Variants in CTNNA3 observed in about 807,000 individuals in gnomAD.
CTNNA3 encodes catenin alpha-3.
Under a neutral mutation model 95.7 loss-of-function variants are expected in CTNNA3, and 76 were observed. The observed-to-expected ratio is 0.79, with a 90% CI of 0.66 to 0.96. The LOEUF is 0.96. Among genes scored for constraint, CTNNA3 ranks in the 40% least tolerant of loss-of-function variants. The pLI is 0.00. For missense variants in CTNNA3, 1,191 were observed against 1,089.8 expected (o/e 1.09, Z -1.31); for synonymous variants, 431 against 374.4 (o/e 1.15, Z -1.74).
At chr10:66,877,574 A>G (rs1430119065) in intron 7 of CTNNA3, among the ~76,000 whole-genome samples, 1 of 152,074 alleles carries the variant, frequency 6.6e-6, no homozygotes, top group Non-Finnish European at 1.5e-5. Flanking sequence ...TTCTCTCACC[A>G]TTTATCTGTG....
intron 7 of CTNNA3, among the ~76,000 whole-genome samples, chr10:67,119,726 T>C (rs1859364875): frequency 6.6e-6 from 1 of 151,892 alleles, no homozygotes. Flanking sequence ...GGTGGTCAAA[T>C]GCAAAGAGTC....
At chr10:67,705,103 G>C (rs1031698881) in intron 1 of CTNNA3, among the ~76,000 whole-genome samples, 9 of 152,138 alleles carry the variant, frequency 5.9e-5, no homozygotes, top group Admixed American at 5.9e-4. Context: ...AGTTAGAATG[G>C]TGATCATTAA....
rs148316931 is a variant in CTNNA3, at chr10:67,365,228, G to C, written c.580-145358C>G. On this transcript the variant is annotated intron_variant, in intron 5 of 17. Transcript: ENST00000433211. ...ATATCTTATACAAAAAATAACTCAA[G>C]ATGGAGCACAGACTTAAATGTAAGA... Among the ~76,000 whole-genome samples the C allele has an allele frequency of 3.7e-3, 563 of 152,126 alleles. 4 individuals are homozygous for C. Among genetic ancestry groups the C allele is most frequent in the African/African-American group, 0.013 (540 of 41,528 alleles).
intron 1 of CTNNA3, among the ~76,000 whole-genome samples, chr10:67,723,934 T>C (rs1841193931): frequency 6.6e-6 from 1 of 152,092 alleles, no homozygotes; most frequent in African/African-American, 2.4e-5. Flanking sequence ...GTGCCCAAGA[T>C]TAACCCACAA....
chr10:66,477,572 A>G (rs536628030), intron 11 of CTNNA3, among the ~76,000 whole-genome samples: 120 of 152,196 alleles, frequency 7.9e-4, no homozygotes, highest in African/African-American at 2.7e-3. Context: ...ACAGAAACAC[A>G]TATCGTATTG....
intron 17 of CTNNA3, among the ~76,000 whole-genome samples, chr10:65,943,500 A>G (rs931444311): frequency 2.6e-5 from 4 of 152,200 alleles, no homozygotes; most frequent in African/African-American, 9.6e-5. Context: ...AAAATCCTCA[A>G]TGACATTACA....
intron 17 of CTNNA3, among the ~76,000 whole-genome samples, chr10:65,942,845 C>T (rs1288032322): frequency 1.3e-5 from 2 of 152,116 alleles, no homozygotes; most frequent in Non-Finnish European, 2.9e-5. Context: ...CCACAACATA[C>T]TCATGGTAGT....
intron 10 of CTNNA3, among the ~76,000 whole-genome samples, chr10:66,532,509 T>C (rs1416127787): frequency 6.6e-6 from 1 of 151,630 alleles, no homozygotes. Flanking sequence ...CCTGACAGCT[T>C]GGGATTAGAC....
rs570075085 is a variant in CTNNA3 at position 65,917,704 on chromosome 10, G to A, written c.*2626C>T. 6.6e-6 allele frequency: 1 copy of A among 152,220 alleles called. No individual in the cohort carries two copies. The highest frequency in any genetic ancestry group is 2.1e-4 in the South Asian group (1 of 4,826). The allele number at this position is 152,220 out of a possible 1,614,324, so 9.4% of individuals were successfully genotyped here. On this transcript the variant is annotated 3_prime_UTR_variant, in exon 18 of 18. Coordinates refer to ENST00000433211, the MANE Select transcript of CTNNA3 (RefSeq NM_013266.4). ...AATCTCTGTGATGAGACATCAAAAG[G>A]TACATAGGTGGATCACCAAATTATC...
At chr10:67,728,075 T>C (rs1564841921) in intron 1 of CTNNA3, among the ~76,000 whole-genome samples, 1 of 140,530 alleles carries the variant, frequency 7.1e-6, no homozygotes, top group African/African-American at 2.7e-5. Context: ...TATTACATAT[T>C]ATATATTATA....
intron 7 of CTNNA3, among the ~76,000 whole-genome samples, chr10:67,179,506 A>C (rs1862407105): frequency 6.6e-6 from 1 of 151,386 alleles, no homozygotes; most frequent in Non-Finnish European, 1.5e-5. Context: ...AAAAAAAAAA[A>C]AAAAAAAACT....
chr10:66,338,915 A>G lies in CTNNA3; in HGVS notation c.1732+40237T>C, dbSNP rs192631939. Among the ~76,000 whole-genome samples, 3 of 152,030 alleles carry G rather than the reference A, an allele frequency of 2.0e-5. No individual in the cohort carries two copies. The East Asian group carries it at 5.8e-4, about 29-fold the overall frequency. ...TAATTTTAAAAAATAAATCCTTGCC[A>G]TTGTTTACAGTGTAAAAACTAAAGA... On this transcript the variant is annotated intron_variant, in intron 12 of 17. Transcript: ENST00000433211.
At chr10:66,958,231 G>T (rs986162281) in intron 7 of CTNNA3, among the ~76,000 whole-genome samples, 7 of 141,548 alleles carry the variant, frequency 4.9e-5, no homozygotes, top group African/African-American at 7.9e-5. Flanking sequence ...TGATTTATTT[G>T]AAACAGGAAG....
intron 5 of CTNNA3, among the ~76,000 whole-genome samples, chr10:67,365,292 T>C (rs377241505): frequency 2.0e-5 from 3 of 152,156 alleles, no homozygotes; most frequent in East Asian, 3.9e-4. Flanking sequence ...ACCTAGGCAA[T>C]ACCATTCAGG....
intron 15 of CTNNA3, among the ~76,000 whole-genome samples, chr10:66,007,029 C>T (rs886338320): frequency 6.6e-6 from 1 of 152,106 alleles, no homozygotes; most frequent in South Asian, 2.1e-4. Flanking sequence ...CCCCGCACCC[C>T]CACCATTCTA....
intron 15 of CTNNA3, among the ~76,000 whole-genome samples, chr10:65,996,212 A>C (rs1418427866): frequency 1.3e-5 from 2 of 152,152 alleles, no homozygotes; most frequent in Middle Eastern, 3.2e-3. Flanking sequence ...GAGCATGTGC[A>C]AGTTGAGGAT....
chr10:66,431,843 C>T (rs1461713328), intron 11 of CTNNA3, among the ~76,000 whole-genome samples: 1 of 151,968 alleles, frequency 6.6e-6, no homozygotes, highest in East Asian at 1.9e-4. Flanking sequence ...CACATGTATA[C>T]ATATGTAACA....
At chr10:66,065,484 G>T (rs1412251123) in intron 15 of CTNNA3, among the ~76,000 whole-genome samples, 1 of 151,858 alleles carries the variant, frequency 6.6e-6, no homozygotes, top group African/African-American at 2.4e-5. Context: ...TTTAAATAAG[G>T]TTTTTTTCCA....
At chr10:66,130,083 AC>A (rs2083016216) in intron 13 of CTNNA3, among the ~76,000 whole-genome samples, 1 of 152,216 alleles carries the variant, frequency 6.6e-6, no homozygotes, top group South Asian at 2.1e-4. Context: ...TAAACTAGGC[AC>A]ACAGAACAGT....
Sources: allele counts gnomAD v4.1 joint callset (sites outside exome capture counted in the v4.1 genomes callset), GRCh38; gene constraint gnomAD v4.1.1; transcripts MANE v1.5; gene names NCBI Gene and HGNC (gene_info 2026-07-23, HGNC 2026-07-21).